Variants in C13orf42 observed in about 807,000 individuals in gnomAD.
C13orf42 encodes chromosome 13 open reading frame 42.
At chr13:51,123,496 T>A (rs764108609) in intron 1 of C13orf42, among the ~76,000 whole-genome samples, 11 of 152,140 alleles carry the variant, frequency 7.2e-5, no homozygotes, top group Admixed American at 2.0e-4. Flanking sequence ...TCAAAGCAGG[T>A]GGGGAAATAC....
At chr13:51,142,892 C>T (rs1300021088) in intron 1 of C13orf42, among the ~76,000 whole-genome samples, 1 of 151,982 alleles carries the variant, frequency 6.6e-6, no homozygotes, top group African/African-American at 2.4e-5. Flanking sequence ...ATCAGAAAGT[C>T]CGACAATGTC....
chr13:51,154,974 T>C (rs1308227902), intron 1 of C13orf42, among the ~76,000 whole-genome samples: 1 of 152,218 alleles, frequency 6.6e-6, no homozygotes, highest in Non-Finnish European at 1.5e-5. Flanking sequence ...GTACGTGAGA[T>C]GATCTTAGGT....
chr13:51,085,725 G>A (rs1055956849), intron 2 of C13orf42, among the ~76,000 whole-genome samples, 166 bp from the exon 3 acceptor site: 3 of 152,242 alleles, frequency 2.0e-5, no homozygotes, highest in Non-Finnish European at 4.4e-5. Context: ...TGTGGTGCAG[G>A]AGGAATGCAA....
chr13:51,167,732 G>C (rs1227322656), intron 1 of C13orf42, among the ~76,000 whole-genome samples: 1 of 152,068 alleles, frequency 6.6e-6, no homozygotes, highest in African/African-American at 2.4e-5. Flanking sequence ...CTTCTGGGTG[G>C]GTGTGTCTTT....
chr13:51,145,793 G>C (rs557634501), intron 1 of C13orf42, among the ~76,000 whole-genome samples: 217 of 152,264 alleles, frequency 1.4e-3, no homozygotes, highest in African/African-American at 4.6e-3. Context: ...TCCTGCCTTT[G>C]CTTCAAGTTA....
chr13:51,153,387 A>G (rs1001589521), intron 1 of C13orf42, among the ~76,000 whole-genome samples: 1 of 151,978 alleles, frequency 6.6e-6, no homozygotes, highest in Non-Finnish European at 1.5e-5. Context: ...CACTCACCCA[A>G]TGCCTATGCT....
intron 2 of C13orf42, among the ~76,000 whole-genome samples, chr13:51,086,848 TG>T (rs1953133141): frequency 6.6e-6 from 1 of 152,096 alleles, no homozygotes; most frequent in African/African-American, 2.4e-5. Flanking sequence ...AGGGGCTGCG[TG>T]GGAGAGGAGG....
At chr13:51,117,900 C>T (rs1422531099) in intron 1 of C13orf42, among the ~76,000 whole-genome samples, 1 of 152,196 alleles carries the variant, frequency 6.6e-6, no homozygotes, top group East Asian at 1.9e-4. Context: ...CCCTCACTCC[C>T]TAAGTAGGTT....
chr13:51,113,721 A>G (rs1275632501), upstream of C13orf42, among the ~76,000 whole-genome samples: 1 of 152,114 alleles, frequency 6.6e-6, no homozygotes, highest in Non-Finnish European at 1.5e-5. Flanking sequence ...GTGAGCAACC[A>G]TACCTAGCCA....
chr13:51,094,902 T>C (rs1380881490), intron 1 of C13orf42, among the ~76,000 whole-genome samples: 1 of 152,174 alleles, frequency 6.6e-6, no homozygotes, highest in Non-Finnish European at 1.5e-5. Flanking sequence ...TGGGAGATAA[T>C]GGAATCATGG....
intron 1 of C13orf42, among the ~76,000 whole-genome samples, chr13:51,170,737 A>G (rs1192889125): frequency 6.6e-6 from 1 of 152,156 alleles, no homozygotes; most frequent in East Asian, 1.9e-4. Flanking sequence ...CAGACCACGC[A>G]GGGACGCCTG....
rs192148521 is a variant in C13orf42 at position 51,088,242 on chromosome 13, G to A, written c.415-167C>T. Among the ~76,000 whole-genome samples, 935 of 152,316 alleles carry A rather than the reference G, an allele frequency of 6.1e-3. 4 individuals carry two copies. The highest frequency in any genetic ancestry group is 0.01 in the Middle Eastern group (3 of 294). The stretch of plus-strand genomic sequence containing the variant: ...TGTGGAAGGAAGGTAGATACTCCAG[G>A]TCCATAATTGCTGTAGGTCAATGGA... On this transcript the variant is annotated intron_variant, in intron 1 of 3. Transcript: ENST00000563710.
chr13:51,089,221 T>A (rs557385710), intron 1 of C13orf42, among the ~76,000 whole-genome samples: 1 of 152,286 alleles, frequency 6.6e-6, no homozygotes, highest in South Asian at 2.1e-4. Flanking sequence ...AGTGTATGCA[T>A]TTTGTACTAC....
At chr13:51,107,361 G>A (rs1333041160) in intron 1 of C13orf42, among the ~76,000 whole-genome samples, 2 of 152,212 alleles carry the variant, frequency 1.3e-5, no homozygotes, top group Admixed American at 6.5e-5. Context: ...ACATCAGAGT[G>A]CTAAGCAAGG....
intron 1 of C13orf42, among the ~76,000 whole-genome samples, chr13:51,153,839 G>A (rs920844201): frequency 1.3e-5 from 2 of 151,780 alleles, no homozygotes; most frequent in Non-Finnish European, 2.9e-5. Context: ...TCGCCATGTT[G>A]TCCAGGCGGG....
chr13:51,089,845 C>G (rs1191612063), intron 1 of C13orf42, among the ~76,000 whole-genome samples: 1 of 150,914 alleles, frequency 6.6e-6, no homozygotes. Context: ...ACAAAGAGAA[C>G]AAGAGAAAGG....
chr13:51,094,324 G>A (rs1054977408), intron 1 of C13orf42, among the ~76,000 whole-genome samples: 4 of 152,160 alleles, frequency 2.6e-5, no homozygotes, highest in Non-Finnish European at 5.9e-5. Flanking sequence ...TGCAATAAAT[G>A]AGGAAATACT....
At chr13:51,139,573 G>C (rs998754435) in intron 1 of C13orf42, among the ~76,000 whole-genome samples, 1 of 152,114 alleles carries the variant, frequency 6.6e-6, no homozygotes, top group Non-Finnish European at 1.5e-5. Context: ...ACAAGATACA[G>C]GTCACAAAGA....
chr13:51,150,715 G>A lies in C13orf42; in HGVS notation n.136+21538C>T, dbSNP rs942938562. ...GGGTCACTGCTTGTGCCACCAGAAAGATACTCGCAGAGAGACCCTCAACAA... is the reference window on the plus strand; with the variant it reads ...GGGTCACTGCTTGTGCCACCAGAAAAATACTCGCAGAGAGACCCTCAACAA... On this transcript the variant is annotated intron_variant and non_coding_transcript_variant, in intron 1 of 4. Coordinates refer to the C13orf42 transcript ENST00000433280. Among the ~76,000 whole-genome samples, 3 of 152,116 alleles carry A rather than the reference G, an allele frequency of 2.0e-5. No individual in the cohort carries two copies. In the East Asian group the frequency reaches 5.8e-4, roughly 29 times the overall value.
Sources: allele counts gnomAD v4.1 joint callset (sites outside exome capture counted in the v4.1 genomes callset), GRCh38; gene constraint gnomAD v4.1.1; transcripts MANE v1.5; gene names NCBI Gene and HGNC (gene_info 2026-07-23, HGNC 2026-07-21).